Variants in PCNT observed in about 807,000 individuals in gnomAD.
PCNT encodes pericentrin.
A neutral mutation model predicts 380.4 loss-of-function variants in PCNT; 319 were observed. The observed-to-expected ratio is 0.84, with a 90% CI of 0.77 to 0.92. The LOEUF (loss-of-function observed/expected upper bound fraction) is 0.92. PCNT is among the 40% of genes least tolerant of loss of function. The pLI, the probability that PCNT is intolerant of heterozygous loss-of-function variation, is 0.00. For missense variants in PCNT, 4,400 were observed against 4,255.3 expected, an observed-to-expected ratio of 1.03 and a Z score of -0.95; for synonymous variants, 1,845 against 1,735.2, an observed-to-expected ratio of 1.06 and a Z score of -1.57.
Position 46,431,652 on chromosome 21 carries a change from G to T in PCNT, c.8188G>T (p.Glu2730Ter). ...KELRIEHSRC[E>*]ALLAQERSQL... is the part of the protein sequence containing the mutation. The stretch of plus-strand genomic sequence containing the variant: ...GCTGCGTATCGAGCACTCACGCTGC[G>T]AGGCCTTGCTGGCTCAGGAGCGGAG... The change falls in exon 38 of 47, where the codon GAG becomes TAG. Residue 2730 changes from glutamate (E) to a stop codon, truncating the protein, a stop_gained. Transcript: ENST00000359568. LOFTEE classifies it high-confidence loss of function. 6.2e-7 allele frequency: 1 copy of T among 1,613,750 alleles called. No individual in the cohort carries two copies. The highest frequency in any genetic ancestry group is 8.5e-7 in the Non-Finnish European group (1 of 1,179,890).
chr21:46,426,549 C>T (rs899928759), intron 33 of PCNT, among the ~76,000 whole-genome samples: 10 of 152,176 alleles, frequency 6.6e-5, no homozygotes, highest in African/African-American at 1.9e-4. Context: ...CCTGCGGACT[C>T]GGCCCATTCC....
chr21:46,378,222 C>T (rs1174425169), intron 15 of PCNT, among the ~76,000 whole-genome samples: 1 of 152,152 alleles, frequency 6.6e-6, no homozygotes, highest in Non-Finnish European at 1.5e-5. Context: ...TGGTTCTGAA[C>T]CCCTTATATG....
chr21:46,444,446 C>T (rs181124789), intron 45 of PCNT, among the ~76,000 whole-genome samples: 133 of 152,166 alleles, frequency 8.7e-4, no homozygotes, highest in Non-Finnish European at 1.4e-3. Context: ...ATAGATACAT[C>T]GTCGAAGATG....
chr21:46,324,721 G>A (rs1213505674), intron 1 of PCNT: 1 of 240,330 alleles, frequency 4.2e-6, no homozygotes, highest in Non-Finnish European at 6.7e-6. Flanking sequence ...CGTCCTCCGG[G>A]ACCGGGTGGC....
Position 46,343,545 on chromosome 21 carries a change from A to G in PCNT, c.640-2583A>G, listed in dbSNP as rs147102923. 4.0e-3 allele frequency among the ~76,000 whole-genome samples: 603 copies of G among 152,206 alleles called. 5 individuals carry two copies. Among genetic ancestry groups the G allele is most frequent in the African/African-American group, 0.014 (578 of 41,534 alleles). The stretch of plus-strand genomic sequence containing the variant: ...CTAGTATTTTGTTGAAGATTTTTGC[A>G]TCTATGTTCATCAGGGATATTGGTC... On this transcript the variant is annotated intron_variant, in intron 3 of 46. Coordinates refer to ENST00000359568, the MANE Select transcript of PCNT (RefSeq NM_006031.6).
rs894842381 is a variant in PCNT at position 46,425,426 on chromosome 21, C to T, written c.7180-405C>T. Among the ~76,000 whole-genome samples, 15 of 152,194 alleles carry T rather than the reference C, an allele frequency of 9.9e-5. No individual in the cohort carries two copies. The highest frequency in any genetic ancestry group is 2.2e-4 in the African/African-American group (9 of 41,456). On this transcript the variant is annotated intron_variant, in intron 32 of 46. Transcript: ENST00000359568. This position sits in a 1 kb window ranked among gnomAD's most constrained non-coding sequence, Gnocchi z 4.2. Reference sequence around the variant, plus strand: ...TGGCCATCGTGTGGCCTTCTCGTAGCGTCCCAGGTGGGCAGGGAGTGTGTG... The same window carrying T: ...TGGCCATCGTGTGGCCTTCTCGTAGTGTCCCAGGTGGGCAGGGAGTGTGTG...
At position 46,386,498 on chromosome 21, in the gene PCNT, TGCAG is replaced by T. The variant is rs2085841752; in HGVS notation, c.3464+519_3464+522del. Among the ~76,000 whole-genome samples the T allele has an allele frequency of 2.6e-5, 4 of 152,342 alleles. No homozygotes were observed. The South Asian group carries it at 6.2e-4, about 24-fold the overall frequency. On this transcript the variant is annotated intron_variant, in intron 17 of 46. Coordinates refer to ENST00000359568, the MANE Select transcript of PCNT (RefSeq NM_006031.6). ...CATTGGGAGCCTGTGCCTGGGTAGC[TGCAG>T]GCACTGGGCTGAGCGCCCAGCCCCG...
At position 46,425,268 on chromosome 21, in the gene PCNT, C is replaced by G. The variant is rs113149896; in HGVS notation, c.7180-563C>G. Among the ~76,000 whole-genome samples, 1 of 152,174 alleles carries G rather than the reference C, an allele frequency of 6.6e-6. No individual in the cohort carries two copies. Among genetic ancestry groups the G allele is most frequent in the African/African-American group, 2.4e-5 (1 of 41,434 alleles). ...AATCGGTGGGATAAAGCAGCCGCCT[C>G]GTGTTCACAGACCTGTGGGCAGGGC... On this transcript the variant is annotated intron_variant, in intron 32 of 46. Transcript: ENST00000359568. This position sits in a 1 kb window ranked among gnomAD's most constrained non-coding sequence, Gnocchi z 4.2.
chr21:46,328,379 C>T (rs1270173408), intron 2 of PCNT, among the ~76,000 whole-genome samples: 1 of 152,114 alleles, frequency 6.6e-6, no homozygotes, highest in Non-Finnish European at 1.5e-5. Flanking sequence ...CTTCCTGCCT[C>T]AGGCTCCCAA....
chr21:46,437,527 C>T (rs7276409), intron 40 of PCNT, among the ~76,000 whole-genome samples: 124,286 of 152,260 alleles, frequency 0.82, 51,015 homozygotes, highest in African/African-American at 0.89. Flanking sequence ...TTTGTGTTTG[C>T]GTTGACGGCC....
At chr21:46,409,823 T>C (rs1318576482) in intron 27 of PCNT, among the ~76,000 whole-genome samples, 1 of 151,482 alleles carries the variant, frequency 6.6e-6, no homozygotes, top group Non-Finnish European at 1.5e-5. Flanking sequence ...TGAACTCCTG[T>C]GCTCAAGTGA....
intron 15 of PCNT, among the ~76,000 whole-genome samples, chr21:46,377,330 C>T (rs1161659432): frequency 3.3e-5 from 5 of 152,362 alleles, no homozygotes; most frequent in Non-Finnish European, 7.3e-5. Flanking sequence ...CTGCTGAGGA[C>T]ATGGGCTTCG....
chr21:46,434,790 A>G (rs1448212800), intron 38 of PCNT, among the ~76,000 whole-genome samples: 4 of 152,324 alleles, frequency 2.6e-5, no homozygotes, highest in African/African-American at 4.8e-5. Context: ...ACGTGTGTGC[A>G]TGTTCACATG....
intron 39 of PCNT, among the ~76,000 whole-genome samples, chr21:46,436,466 T>G (rs2053452007): frequency 2.9e-5 from 1 of 34,786 alleles, no homozygotes; most frequent in African/African-American, 8.9e-5. Context: ...TGGAGCCTCC[T>G]GTGGCCCCCC....
chr21:46,362,108 CTG>C (rs2146830893), intron 13 of PCNT, among the ~76,000 whole-genome samples: 1 of 152,328 alleles, frequency 6.6e-6, no homozygotes, highest in East Asian at 1.9e-4. Flanking sequence ...TCCCCTGCGT[CTG>C]TGCTGGGCTG....
At chr21:46,335,322 T>C (rs1227074364) in intron 3 of PCNT, among the ~76,000 whole-genome samples, 1 of 152,202 alleles carries the variant, frequency 6.6e-6, no homozygotes, top group Admixed American at 6.6e-5. Context: ...TTACCTTTAT[T>C]TTATTGACAT....
chr21:46,387,642 C>T (rs887846922), intron 17 of PCNT, among the ~76,000 whole-genome samples: 1 of 152,134 alleles, frequency 6.6e-6, no homozygotes, highest in Non-Finnish European at 1.5e-5. Flanking sequence ...CAGGACTCCC[C>T]CTCCCTGTTA....
At position 46,348,064 on chromosome 21, in the gene PCNT, G is replaced by A. The variant is rs2084132513; in HGVS notation, c.1032+552G>A. Among the ~76,000 whole-genome samples, 2 of 152,244 alleles carry A rather than the reference G, an allele frequency of 1.3e-5. 1 individual carries two copies. The highest frequency in any genetic ancestry group is 2.9e-5 in the Non-Finnish European group (2 of 68,034). ...CTGGGCAGCTCTCAGGCCCTTGGCA[G>A]ACGATGGGTGTTAGTCCAGGCTTGG... On this transcript the variant is annotated intron_variant, in intron 6 of 46. Coordinates refer to ENST00000359568, the MANE Select transcript of PCNT (RefSeq NM_006031.6).
intron 35 of PCNT, among the ~76,000 whole-genome samples, chr21:46,429,148 C>T (rs544849128): frequency 6.6e-5 from 10 of 152,292 alleles, no homozygotes; most frequent in African/African-American, 2.4e-4. Flanking sequence ...TCAAGGGGAA[C>T]GGCCTTGCAG....
Sources: gnomAD v4.1 joint callset for allele counts (sites outside exome capture counted in the v4.1 genomes callset) on GRCh38, gnomAD v4.1.1 for gene constraint, Gnocchi (gnomAD v3.1) non-coding constraint, MANE v1.5 for transcripts, NCBI Gene and HGNC (gene_info 2026-07-23, HGNC 2026-07-21) for gene names.